The following CTNNA2 variants were observed in gnomAD, a reference collection of about 807,000 sequenced individuals.
CTNNA2 encodes the protein catenin alpha-2.
A neutral mutation model predicts 101.0 loss-of-function variants in CTNNA2; 42 were observed. The observed-to-expected ratio is 0.42, with a 90% CI of 0.32 to 0.54. The LOEUF is 0.54. Among genes scored for constraint, CTNNA2 ranks in the 20% least tolerant of loss-of-function variants. CTNNA2 has a pLI of 0.14. For missense variants in CTNNA2, 871 were observed against 1,223.1 expected, an observed-to-expected ratio of 0.71 and a Z score of 4.29; for synonymous variants, 450 against 456.4, an observed-to-expected ratio of 0.99 and a Z score of 0.18.
chr2:80,395,457 G>A (rs1677921835), intron 8 of CTNNA2, among the ~76,000 whole-genome samples: 3 of 152,178 alleles, frequency 2.0e-5, no homozygotes, highest in African/African-American at 4.8e-5. Context: ...CTGCCCATAT[G>A]TTGAGATATT....
At chr2:80,058,047 A>T (rs1697343408) in intron 7 of CTNNA2, among the ~76,000 whole-genome samples, 1 of 152,222 alleles carries the variant, frequency 6.6e-6, no homozygotes, top group Non-Finnish European at 1.5e-5. Flanking sequence ...TAAAGAAGAA[A>T]AGAATAAGTA....
At chr2:79,832,071 T>A (rs949260456) in intron 3 of CTNNA2, among the ~76,000 whole-genome samples, 1 of 152,292 alleles carries the variant, frequency 6.6e-6, no homozygotes, top group South Asian at 2.1e-4. Context: ...TCCTGTTAAG[T>A]TTTTCAGTTT....
chr2:79,728,377 G>C (rs1044358613), intron 2 of CTNNA2, among the ~76,000 whole-genome samples: 9 of 152,130 alleles, frequency 5.9e-5, no homozygotes, highest in South Asian at 2.1e-4. Context: ...TAAATGTCTT[G>C]TTTTGAGAAG....
At chr2:80,219,826 A>AT (rs1232424945) in intron 7 of CTNNA2, among the ~76,000 whole-genome samples, 3 of 152,114 alleles carry the variant, frequency 2.0e-5, no homozygotes, top group Non-Finnish European at 2.9e-5. Flanking sequence ...AAGTCCCTTT[A>AT]TTTTCTCTCC....
intron 4 of CTNNA2, among the ~76,000 whole-genome samples, chr2:79,400,328 G>A (rs1181173662): frequency 6.6e-6 from 1 of 151,952 alleles, no homozygotes; most frequent in East Asian, 1.9e-4. Flanking sequence ...GGAATAGAAT[G>A]GGAGGCAGGT....
intron 7 of CTNNA2, among the ~76,000 whole-genome samples, chr2:80,107,156 A>T (rs762492749): frequency 6.6e-6 from 1 of 152,262 alleles, no homozygotes; most frequent in Admixed American, 6.5e-5. Context: ...CGTGAAACCC[A>T]TGGCCCAAAG....
chr2:79,302,011 T>G (rs991641339), intron 2 of CTNNA2, among the ~76,000 whole-genome samples: 1 of 152,066 alleles, frequency 6.6e-6, no homozygotes, highest in African/African-American at 2.4e-5. Context: ...GAGAATCACT[T>G]GAACCTGGGA....
At chr2:79,903,301 C>T (rs1410932735) in intron 6 of CTNNA2, among the ~76,000 whole-genome samples, 1 of 151,994 alleles carries the variant, frequency 6.6e-6, no homozygotes, top group African/African-American at 2.4e-5. Flanking sequence ...GTTTCCTCAC[C>T]TCTCTTTTGG....
At chr2:80,009,033 T>C (rs1412158642) in intron 7 of CTNNA2, among the ~76,000 whole-genome samples, 1 of 152,204 alleles carries the variant, frequency 6.6e-6, no homozygotes, top group African/African-American at 2.4e-5. Context: ...ATACAAACTA[T>C]GGCATTGGAG....
intron 7 of CTNNA2, among the ~76,000 whole-genome samples, chr2:80,131,246 A>G (rs1021653224): frequency 2.6e-5 from 4 of 152,138 alleles, no homozygotes; most frequent in African/African-American, 9.7e-5. Flanking sequence ...TTTAGTAGAC[A>G]CGAGATTTCA....
chr2:79,216,822 G>T (rs1056230074), intron 2 of CTNNA2, among the ~76,000 whole-genome samples: 2 of 152,008 alleles, frequency 1.3e-5, no homozygotes, highest in African/African-American at 4.8e-5. Flanking sequence ...AGGGGTTGGG[G>T]GGTTCATGCC....
At chr2:79,399,980 C>T (rs1161144561) in intron 4 of CTNNA2, among the ~76,000 whole-genome samples, 2 of 151,998 alleles carry the variant, frequency 1.3e-5, no homozygotes, top group African/African-American at 4.8e-5. Flanking sequence ...TCAGGAGGTC[C>T]TCATGACATG....
intron 4 of CTNNA2, among the ~76,000 whole-genome samples, chr2:79,455,835 C>T (rs1324274594): frequency 6.6e-6 from 1 of 152,144 alleles, no homozygotes; most frequent in Non-Finnish European, 1.5e-5. Flanking sequence ...CCTATTTTCT[C>T]ACTACTGAAC....
In CTNNA2 at chr2:80,324,126, G is replaced by A. The variant is rs1350884891; in HGVS notation, c.1057-69085G>A. Reference sequence around the variant, plus strand: ...CTGTTTTACACAAAGACACTCTTTTGAGCATGAAAAATATGAATTGTTACA... The same window carrying A: ...CTGTTTTACACAAAGACACTCTTTTAAGCATGAAAAATATGAATTGTTACA... On this transcript the variant is annotated intron_variant, in intron 7 of 18. Transcript: ENST00000402739. Among the ~76,000 whole-genome samples, 2 of 152,076 alleles carry A rather than the reference G, an allele frequency of 1.3e-5. 1 individual carries two copies. The highest frequency in any genetic ancestry group is 4.1e-4 in the South Asian group (2 of 4,820).
chr2:79,519,438 A>G (rs1671987793), intron 1 of CTNNA2, among the ~76,000 whole-genome samples: 1 of 152,118 alleles, frequency 6.6e-6, no homozygotes, highest in African/African-American at 2.4e-5. Flanking sequence ...AACCAAGGCA[A>G]CTGGATTCCC....
intron 7 of CTNNA2, among the ~76,000 whole-genome samples, chr2:80,154,599 T>C (rs1279217674): frequency 2.0e-5 from 3 of 152,324 alleles, no homozygotes; most frequent in African/African-American, 7.2e-5. Context: ...TCTAGGCCTG[T>C]ATGGGTATTT....
intron 3 of CTNNA2, among the ~76,000 whole-genome samples, chr2:79,788,863 A>G (rs1675050559): frequency 6.6e-6 from 1 of 152,178 alleles, no homozygotes; most frequent in Admixed American, 6.5e-5. Context: ...GTCTCCTGTA[A>G]ATGTAAAAGA....
intron 4 of CTNNA2, among the ~76,000 whole-genome samples, chr2:79,450,518 T>C (rs960436004): frequency 6.6e-6 from 1 of 152,134 alleles, no homozygotes; most frequent in Non-Finnish European, 1.5e-5. Flanking sequence ...ATAAAACTGT[T>C]CCATAAGATA....
At chr2:79,670,601 C>T (rs184876533) in intron 2 of CTNNA2, among the ~76,000 whole-genome samples, 99 of 152,178 alleles carry the variant, frequency 6.5e-4, no homozygotes, top group Admixed American at 6.3e-3. Flanking sequence ...AGTTTGGGTG[C>T]CTTATTTCTC....
Sources: gnomAD v4.1 joint callset for allele counts (sites outside exome capture counted in the v4.1 genomes callset) on GRCh38, gnomAD v4.1.1 for gene constraint, MANE v1.5 for transcripts, NCBI Gene and HGNC (gene_info 2026-07-23, HGNC 2026-07-21) for gene names.